The following DIRAS2 variants were observed in gnomAD, a reference collection of about 807,000 sequenced individuals.
DIRAS2 encodes the protein DIRAS family GTPase 2.
In DIRAS2, 5 loss-of-function variants were observed where a neutral mutation model predicts 13.9. The ratio of observed to expected loss-of-function variants is 0.36; its 90% CI spans 0.19 to 0.76. The LOEUF (loss-of-function observed/expected upper bound fraction) is 0.76. Among genes scored for constraint, DIRAS2 ranks in the 30% least tolerant of loss-of-function variants. DIRAS2 has a pLI of 0.53. For synonymous variants in DIRAS2, 111 were observed against 105.4 expected (o/e 1.05, Z -0.33); for missense variants, 191 against 263.0 (o/e 0.73, Z 1.89).
chr9:90,631,521 C>T (rs1464552087), intron 1 of DIRAS2, among the ~76,000 whole-genome samples: 1 of 152,144 alleles, frequency 6.6e-6, no homozygotes, highest in East Asian at 1.9e-4. Context: ...AGTCAGAAGT[C>T]TCCAGCAACA....
intron 1 of DIRAS2, among the ~76,000 whole-genome samples, chr9:90,617,773 T>C (rs921876795): frequency 6.6e-6 from 1 of 152,236 alleles, no homozygotes; most frequent in African/African-American, 2.4e-5. Context: ...TGTATTTCTA[T>C]ACACTTGCAA....
chr9:90,627,909 C>T (rs1054037686), intron 1 of DIRAS2, among the ~76,000 whole-genome samples: 3 of 152,032 alleles, frequency 2.0e-5, no homozygotes, highest in African/African-American at 7.2e-5. Context: ...ATATCTAATG[C>T]ATGCCGGGCT....
intron 1 of DIRAS2, among the ~76,000 whole-genome samples, chr9:90,616,895 G>A (rs1825175224): frequency 1.3e-5 from 2 of 152,180 alleles, no homozygotes; most frequent in South Asian, 4.1e-4. Context: ...GCATAGGAAA[G>A]TATACATTAC....
chr9:90,632,012 C>G (rs1289846119), intron 1 of DIRAS2, among the ~76,000 whole-genome samples: 1 of 152,232 alleles, frequency 6.6e-6, no homozygotes, highest in Non-Finnish European at 1.5e-5. Flanking sequence ...TCAGTGATAT[C>G]TTCCAAACTC....
intron 1 of DIRAS2, among the ~76,000 whole-genome samples, chr9:90,634,890 G>C (rs1564022841): frequency 6.6e-6 from 1 of 152,300 alleles, no homozygotes; most frequent in East Asian, 1.9e-4. Context: ...CACTGAGAAA[G>C]AGGAACCACT....
chr9:90,627,686 A>T (rs1464542440), intron 1 of DIRAS2, among the ~76,000 whole-genome samples: 2 of 152,240 alleles, frequency 1.3e-5, no homozygotes, highest in African/African-American at 4.8e-5. Context: ...GGAAAATTGT[A>T]TGTTATATAT....
At chr9:90,633,276 C>T (rs1825343244) in intron 1 of DIRAS2, among the ~76,000 whole-genome samples, 1 of 152,162 alleles carries the variant, frequency 6.6e-6, no homozygotes, top group Admixed American at 6.5e-5. Flanking sequence ...TCAACAGCAA[C>T]TAGTGATGGG....
rs1418424718 is a variant in DIRAS2, at chr9:90,611,876, G to C, written c.*1352C>G. Reference sequence around the variant, plus strand: ...TTTTCAGGAAGCCAAGTCCAACCAGGCTCTACGATGGCAGAGCAATTAAGC... The same window carrying C: ...TTTTCAGGAAGCCAAGTCCAACCAGCCTCTACGATGGCAGAGCAATTAAGC... On this transcript the variant is annotated 3_prime_UTR_variant, in exon 2 of 2. Coordinates refer to ENST00000375765, the MANE Select transcript of DIRAS2 (RefSeq NM_017594.5). 2 of 152,212 alleles carry C rather than the reference G, an allele frequency of 1.3e-5. No homozygotes were observed. Among genetic ancestry groups the C allele is most frequent in the African/African-American group, 4.8e-5 (2 of 41,440 alleles). 9.4% of individuals were successfully genotyped at this position (152,212 alleles called of 1,614,324 possible). A position where few individuals can be genotyped will look rare whatever the true frequency, so the allele number is the denominator to read the frequency against.
intron 1 of DIRAS2, among the ~76,000 whole-genome samples, chr9:90,641,577 A>G (rs979930471): frequency 1.3e-5 from 2 of 152,124 alleles, no homozygotes; most frequent in African/African-American, 4.8e-5. Context: ...TCAATTTCAG[A>G]CAACAACCAA....
At chr9:90,626,116 G>A (rs2118562637) in intron 1 of DIRAS2, 1 of 150,726 alleles carries the variant, frequency 6.6e-6, no homozygotes, top group East Asian at 1.9e-4. Flanking sequence ...CCAGGAGGCA[G>A]AGGTTGCAGT....
Position 90,612,374 on chromosome 9 carries a change from A to G in DIRAS2, c.*854T>C, listed in dbSNP as rs1241749537. Reference sequence around the variant, plus strand: ...AAAAACGTCTAAAAATAGTGAGTTTATTTGCTTGTATTTAAAATCTGAGGG... The same window carrying G: ...AAAAACGTCTAAAAATAGTGAGTTTGTTTGCTTGTATTTAAAATCTGAGGG... On this transcript the variant is annotated 3_prime_UTR_variant, in exon 2 of 2. Transcript: ENST00000375765. 1.3e-5 allele frequency: 2 copies of G among 152,620 alleles called. No homozygotes were observed. The highest frequency in any genetic ancestry group is 2.9e-5 in the Non-Finnish European group (2 of 68,028). 9.5% of individuals were successfully genotyped at this position (152,620 alleles called of 1,614,324 possible). A position where few individuals can be genotyped will look rare whatever the true frequency, so the allele number is the denominator to read the frequency against.
At position 90,616,172 on chromosome 9, in the gene DIRAS2, T is replaced by G. The variant is rs553752468; in HGVS notation, c.-36-2309A>C. 1.3e-3 allele frequency among the ~76,000 whole-genome samples: 193 copies of G among 152,344 alleles called. 2 individuals are homozygous for G. The highest frequency in any genetic ancestry group is 0.011 in the Admixed American group (167 of 15,310). ...ATGTGGTCAGCTATGTTAAGGTGTC[T>G]CCATTATTAAACTGGCAACGAACAC... On this transcript the variant is annotated intron_variant, in intron 1 of 1. Transcript: ENST00000375765.
At chr9:90,622,559 A>G (rs1182385989) in intron 1 of DIRAS2, among the ~76,000 whole-genome samples, 1 of 152,032 alleles carries the variant, frequency 6.6e-6, no homozygotes, top group Non-Finnish European at 1.5e-5. Flanking sequence ...ATACTAATAA[A>G]TTATTTCAGA....
intron 1 of DIRAS2, among the ~76,000 whole-genome samples, chr9:90,619,500 G>C (rs62556816): frequency 0.19 from 28,863 of 152,144 alleles, 3,495 homozygotes; most frequent in Non-Finnish European, 0.28. Context: ...CACTTGGATG[G>C]TTATAATCAA....
intron 1 of DIRAS2, among the ~76,000 whole-genome samples, chr9:90,635,354 G>T (rs148657248): frequency 3.7e-4 from 56 of 152,298 alleles, no homozygotes; most frequent in African/African-American, 1.2e-3. Flanking sequence ...AACAAGGAGC[G>T]CTGGATTCTA....
intron 1 of DIRAS2, among the ~76,000 whole-genome samples, chr9:90,629,825 A>G (rs1022558511): frequency 5.3e-5 from 8 of 152,196 alleles, no homozygotes; most frequent in Non-Finnish European, 1.0e-4. Context: ...TACGGGCACA[A>G]CCATCTTTTA....
Position 90,613,723 on chromosome 9 carries a change from G to T in DIRAS2, c.105C>A (p.Ser35Arg). The change falls in exon 2 of 2, where the codon AGC (serine) becomes AGA (arginine). Residue 35 changes from serine to arginine, a missense_variant. By Grantham distance (110) the Ser-to-Arg change is moderately radical (BLOSUM62 -1). Transcript: ENST00000375765. This position sits in a 1 kb window ranked among gnomAD's most constrained non-coding sequence, Gnocchi z 5.6. ...AGGTGTCTTCCACCGTCGGGATGTA[G>T]CTCTCCCGGAATGTGCCTTTCACAA... ...LRFVKGTFRE[S>R]YIPTVEDTYR... is the part of the protein sequence containing the mutation. 1 of 1,614,100 alleles carries T rather than the reference G, an allele frequency of 6.2e-7. No individual in the cohort carries two copies. The highest frequency in any genetic ancestry group is 1.7e-5 in the Admixed American group (1 of 60,010).
At chr9:90,631,211 G>C (rs62556819) in intron 1 of DIRAS2, among the ~76,000 whole-genome samples, 2,873 of 152,276 alleles carry the variant, frequency 0.019, 46 homozygotes, top group Middle Eastern at 0.044. Context: ...GGGTGGTGGG[G>C]TTCTTCTGGC....
At chr9:90,630,765 G>A (rs896069364) in intron 1 of DIRAS2, among the ~76,000 whole-genome samples, 2 of 152,160 alleles carry the variant, frequency 1.3e-5, no homozygotes, top group Admixed American at 6.5e-5. Context: ...TAGCAGAGCA[G>A]GTATTTTCCA....
Sources: allele counts gnomAD v4.1 joint callset (sites outside exome capture counted in the v4.1 genomes callset), GRCh38; gene constraint gnomAD v4.1.1; non-coding constraint Gnocchi (gnomAD v3.1); transcripts MANE v1.5; gene names NCBI Gene and HGNC (gene_info 2026-07-23, HGNC 2026-07-21).